The following KRTDAP variants were observed in gnomAD, a reference collection of about 807,000 sequenced individuals.
KRTDAP encodes the protein keratinocyte differentiation associated protein.
A neutral mutation model predicts 18.6 loss-of-function variants in KRTDAP; 14 were observed. The observed-to-expected ratio is 0.75, with a 90% confidence interval of 0.50 to 1.18. The LOEUF is 1.18. Among genes scored for constraint, KRTDAP ranks in the 50% most tolerant of loss-of-function variants. The pLI is 0.00. For missense variants in KRTDAP, 114 were observed against 121.3 expected, an observed-to-expected ratio of 0.94 and a Z score of 0.28; for synonymous variants, 53 against 49.5, an observed-to-expected ratio of 1.07 and a Z score of -0.29.
intron 4 of KRTDAP, among the ~76,000 whole-genome samples, chr19:35,488,097 C>A (rs552407751): frequency 6.6e-6 from 1 of 152,328 alleles, no homozygotes; most frequent in African/African-American, 2.4e-5. Flanking sequence ...ACGCGGGCCC[C>A]AGCTCTGTCG....
At chr19:35,488,404 G>T in intron 4 of KRTDAP, 37 bp downstream of exon 4, 1 of 1,606,404 alleles carries the variant, frequency 6.2e-7, no homozygotes, top group Non-Finnish European at 8.5e-7. Context: ...GATGACTGCA[G>T]ACAACCGAGG....
intron 1 of KRTDAP, among the ~76,000 whole-genome samples, chr19:35,489,838 G>T (rs1599756108): frequency 6.6e-6 from 1 of 152,070 alleles, no homozygotes; most frequent in African/African-American, 2.4e-5. Context: ...GCTAAGCAGG[G>T]GTGTCTCCAG....
In KRTDAP at chr19:35,487,376, T is replaced by C; in HGVS notation, c.*52A>G. The C allele has an allele frequency of 6.4e-7, 1 of 1,551,574 alleles. No individual in the cohort carries two copies. Among genetic ancestry groups the C allele is most frequent in the Non-Finnish European group, 8.9e-7 (1 of 1,122,446 alleles). On this transcript the variant is annotated 3_prime_UTR_variant, in exon 6 of 6. Transcript: ENST00000338897. ...TTCCTGAGGCAGGAAAGAGTTATGG[T>C]AGGTTGAGAATCAGCGCTCACGCTA...
intron 1 of KRTDAP, among the ~76,000 whole-genome samples, chr19:35,489,839 G>T (rs1203855941): frequency 2.6e-5 from 4 of 152,104 alleles, no homozygotes; most frequent in Non-Finnish European, 5.9e-5. Context: ...CTAAGCAGGG[G>T]TGTCTCCAGA....
intron 4 of KRTDAP, 152 bp from the exon 5 acceptor site, chr19:35,487,911 C>G (rs999144406): frequency 4.7e-6 from 3 of 638,668 alleles, no homozygotes; most frequent in South Asian, 3.7e-5. Flanking sequence ...TTTCCTGAGG[C>G]CTTAGTCTGT....
intron 5 of KRTDAP, 112 bp downstream of exon 5, chr19:35,487,600 A>G: frequency 8.6e-7 from 1 of 1,163,618 alleles, no homozygotes; most frequent in South Asian, 1.3e-5. Context: ...ACCTCCCTTC[A>G]GTTTGGTGAG....
rs766054231 is a variant in KRTDAP, at chr19:35,488,851, A to AGAGG, written c.88-15_88-12dup. Reference sequence around the variant, plus strand: ...AATGGTGCTTTCTTCCTGGAAAAGGAGAGGGAGAAAAGGCGGCAGGGGGTC... The same window carrying AGAGG: ...AATGGTGCTTTCTTCCTGGAAAAGGAGAGGGAGGGAGAAAAGGCGGCAGGGGGTC... On this transcript the variant is annotated splice_polypyrimidine_tract_variant and intron_variant, in intron 1 of 5. Transcript: ENST00000338897. The AGAGG allele has an allele frequency of 6.2e-7, 1 of 1,613,638 alleles. No homozygotes were observed. Among genetic ancestry groups the AGAGG allele is most frequent in the South Asian group, 1.1e-5 (1 of 90,926 alleles).
intron 4 of KRTDAP, 122 bp from the exon 5 acceptor site, chr19:35,487,881 T>G: frequency 1.4e-6 from 1 of 700,008 alleles, no homozygotes; most frequent in Non-Finnish European, 2.5e-6. Flanking sequence ...ATTTTGTCAT[T>G]ACTTTATCAA....
rs369502595 is a variant in KRTDAP at position 35,488,350 on chromosome 19, C to G, written c.213+91G>C. ...GTCACTCCCTCCCAGAGATCAGGAA[C>G]CAACCCATACATTTAAAGCCAAAAT... On this transcript the variant is annotated intron_variant, in intron 4 of 5. Transcript: ENST00000338897. 6 of 1,326,704 alleles carry G rather than the reference C, an allele frequency of 4.5e-6. No individual in the cohort carries two copies. In the African/African-American group the frequency reaches 5.7e-5, roughly 13 times the overall value. 82.2% of individuals were successfully genotyped at this position (1,326,704 alleles called of 1,614,324 possible). A position where few individuals can be genotyped will look rare whatever the true frequency, so the allele number is the denominator to read the frequency against.
In KRTDAP at chr19:35,487,399, C is replaced by T. The variant is rs776916690; in HGVS notation, c.*29G>A. On this transcript the variant is annotated 3_prime_UTR_variant, in exon 6 of 6. Coordinates refer to ENST00000338897, the MANE Select transcript of KRTDAP (RefSeq NM_207392.3). ...GGTAGGTTGAGAATCAGCGCTCACGCTAGCCCCCTCTTCCAGTGGAGGTCA... is the reference window on the plus strand; with the variant it reads ...GGTAGGTTGAGAATCAGCGCTCACGTTAGCCCCCTCTTCCAGTGGAGGTCA... 4 of 1,611,002 alleles carry T rather than the reference C, an allele frequency of 2.5e-6. No homozygotes were observed. In the South Asian group the frequency reaches 4.4e-5, roughly 18 times the overall value.
chr19:35,489,027 A>G (rs2067508478), intron 1 of KRTDAP, among the ~76,000 whole-genome samples, 187 bp from the exon 2 acceptor site: 2 of 152,128 alleles, frequency 1.3e-5, no homozygotes, highest in African/African-American at 4.8e-5. Context: ...AGGAGGGGGA[A>G]TTGGAGAATG....
chr19:35,488,665 T>G lies in KRTDAP; in HGVS notation c.165A>C (p.Arg55=), dbSNP rs2067505539. ...NTPFLNIDKL[R]SAFKADEFLN... ...AGCACCAGAGAAGCGTACTCACAGA[T>G]CGCAATTTGTCGATGTTCAGGAACG... The change falls in exon 3 of 6, where the codon CGA becomes CGC. Residue 55 remains arginine, a synonymous_variant. Transcript: ENST00000338897. The G allele has an allele frequency of 1.9e-6, 3 of 1,613,894 alleles. No homozygotes were observed. In the East Asian group the frequency reaches 6.7e-5, roughly 36 times the overall value.
intron 1 of KRTDAP, among the ~76,000 whole-genome samples, chr19:35,489,045 T>TA (rs1285980715): frequency 6.6e-6 from 1 of 152,210 alleles, no homozygotes; most frequent in Non-Finnish European, 1.5e-5. Context: ...ATGGTACATG[T>TA]AAGCAGTGTC....
chr19:35,490,091 C>T (rs1452685158), intron 1 of KRTDAP, among the ~76,000 whole-genome samples: 1 of 152,032 alleles, frequency 6.6e-6, no homozygotes, highest in African/African-American at 2.4e-5. Context: ...AGTCTGAACC[C>T]AGACCACCCA....
intron 5 of KRTDAP, 62 bp downstream of exon 5, chr19:35,487,650 A>C (rs1486243790): frequency 9.2e-6 from 13 of 1,415,378 alleles, no homozygotes; most frequent in Non-Finnish European, 1.3e-5. Flanking sequence ...TCTCTCTCCC[A>C]TATCTTCTGC....
chr19:35,490,430 C>A lies in KRTDAP; in HGVS notation c.13G>T (p.Val5Phe). 6.2e-7 allele frequency: 1 copy of A among 1,613,146 alleles called. No homozygotes were observed. The highest frequency in any genetic ancestry group is 8.5e-7 in the Non-Finnish European group (1 of 1,179,466). The change falls in exon 1 of 6, where the codon GTC (valine) becomes TTC (phenylalanine). Residue 5 changes from valine to phenylalanine, a missense_variant. Coordinates refer to ENST00000338897, the MANE Select transcript of KRTDAP (RefSeq NM_207392.3). MKIP[V>F]LPAVVLLSLL... ...GAGAGGAGCACCACGGCAGGAAGGACCGGGATCTTCATGGCGTCAAGTTTG... is the reference window on the plus strand; with the variant it reads ...GAGAGGAGCACCACGGCAGGAAGGAACGGGATCTTCATGGCGTCAAGTTTG...
In KRTDAP at chr19:35,487,325, G is replaced by A; in HGVS notation, c.*103C>T. On this transcript the variant is annotated 3_prime_UTR_variant, in exon 6 of 6. Coordinates refer to ENST00000338897, the MANE Select transcript of KRTDAP (RefSeq NM_207392.3). Reference sequence around the variant, plus strand: ...GGACAGAGACGCAGATACAGGAGCTGTTGGATGGAAAATGTTTTATTGGAG... The same window carrying A: ...GGACAGAGACGCAGATACAGGAGCTATTGGATGGAAAATGTTTTATTGGAG... 2 of 1,099,556 alleles carry A rather than the reference G, an allele frequency of 1.8e-6. No individual in the cohort carries two copies. The highest frequency in any genetic ancestry group is 2.8e-6 in the Non-Finnish European group (2 of 711,034). The allele number at this position is 1,099,556 out of a possible 1,614,324, so 68.1% of individuals were successfully genotyped here. A position where few individuals can be genotyped will look rare whatever the true frequency, so the allele number is the denominator to read the frequency against.
intron 3 of KRTDAP, 65 bp from the exon 4 acceptor site, chr19:35,488,550 C>T: frequency 1.2e-6 from 2 of 1,604,026 alleles, no homozygotes; most frequent in East Asian, 2.2e-5. Flanking sequence ...TAGCCCCCAG[C>T]CCTCTGGAGA....
At position 35,487,723 on chromosome 19, in the gene KRTDAP, C is replaced by T. The variant is rs1334351859; in HGVS notation, c.250G>A (p.Ala84Thr). The T allele has an allele frequency of 1.9e-6, 3 of 1,613,238 alleles. No individual in the cohort carries two copies. Among genetic ancestry groups the T allele is most frequent in the East Asian group, 2.2e-5 (1 of 44,878 alleles). ...KRKLPFLNWD[A>T]FPKLKGLRSA... ...CCCACACCTCTTACCTTAGGAAAGG[C>T]ATCCCAGTTGAGGAAAGGAAGTTTC... is the stretch of plus-strand genomic sequence containing the variant. The change falls in exon 5 of 6, where the codon GCC (alanine) becomes ACC (threonine). Residue 84 changes from alanine to threonine, a missense_variant. Ala to Thr is a moderately conservative substitution (Grantham distance 58, BLOSUM62 0). Coordinates refer to ENST00000338897, the MANE Select transcript of KRTDAP (RefSeq NM_207392.3).
Sources: allele counts gnomAD v4.1 joint callset (sites outside exome capture counted in the v4.1 genomes callset), GRCh38; gene constraint gnomAD v4.1.1; transcripts MANE v1.5; gene names NCBI Gene and HGNC (gene_info 2026-07-23, HGNC 2026-07-21).